TNKS: variants seen among roughly 807,000 people sequenced by gnomAD.
TNKS encodes the protein poly [ADP-ribose] polymerase tankyrase-1.
Under a neutral mutation model 135.8 loss-of-function variants are expected in TNKS, and 72 were observed. The observed-to-expected ratio is 0.53, with a 90% CI of 0.44 to 0.64. The LOEUF (loss-of-function observed/expected upper bound fraction) is 0.64, where lower values mean the gene tolerates loss of function less well. Among genes scored for constraint, TNKS ranks in the 30% least tolerant of loss-of-function variants. The probability of loss-of-function intolerance (pLI) is 0.00; values close to 1 mark genes in which losing one functional copy is unlikely to be tolerated. For missense variants in TNKS, 1,769 were observed against 1,674.0 expected (o/e 1.06, Z -0.99); for synonymous variants, 849 against 649.3 (o/e 1.31, Z -4.68).
intron 1 of TNKS, among the ~76,000 whole-genome samples, chr8:9,568,927 C>G (rs751564478): frequency 7.2e-5 from 11 of 152,142 alleles, no homozygotes; most frequent in Non-Finnish European, 1.6e-4. Flanking sequence ...TTGTTAGAAT[C>G]CAGAAACGGG....
rs1300913152 is a variant in TNKS at position 9,556,131 on chromosome 8, G to T, written c.192G>T (p.Ala64=). 1 of 1,605,642 alleles carries T rather than the reference G, an allele frequency of 6.2e-7. No individual in the cohort carries two copies. The highest frequency in any genetic ancestry group is 1.3e-5 in the African/African-American group (1 of 74,866). ...APFASPRHGL[A]LPEGDGSRDP... is the part of the protein sequence containing the mutation. ...TCGCCTCCCCGCGGCACGGCCTAGC[G>T]CTGCCGGAGGGGGATGGCAGTCGGG... Residue 64 remains alanine (A), a synonymous_variant, in exon 1 of 27, where the codon GCG becomes GCT. Transcript: ENST00000310430.
chr8:9,719,758 C>T (rs185272813), intron 11 of TNKS, among the ~76,000 whole-genome samples: 1 of 152,280 alleles, frequency 6.6e-6, no homozygotes, highest in East Asian at 1.9e-4. Flanking sequence ...GCCAGTGTTT[C>T]ACATTGTCTT....
intron 5 of TNKS, among the ~76,000 whole-genome samples, chr8:9,701,239 C>A (rs758807680): frequency 4.1e-4 from 63 of 152,232 alleles, no homozygotes; most frequent in Non-Finnish European, 6.2e-4. Context: ...GCCCGACCTG[C>A]CCTTTTAAAT....
chr8:9,681,772 G>A (rs1405069896), intron 5 of TNKS, among the ~76,000 whole-genome samples: 3 of 151,974 alleles, frequency 2.0e-5, no homozygotes, highest in African/African-American at 7.2e-5. Context: ...TGATAATTTT[G>A]CAGATCAGAT....
At chr8:9,597,035 T>A (rs1188214340) in intron 2 of TNKS, among the ~76,000 whole-genome samples, 1 of 152,250 alleles carries the variant, frequency 6.6e-6, no homozygotes, top group Non-Finnish European at 1.5e-5. Flanking sequence ...AATTTACTTC[T>A]GGGGAAGAAA....
chr8:9,574,816 A>G (rs750545301), intron 1 of TNKS, among the ~76,000 whole-genome samples: 6 of 152,158 alleles, frequency 3.9e-5, no homozygotes, highest in Non-Finnish European at 7.3e-5. Context: ...GTATGAAAGT[A>G]TCTGGAGATG....
Position 9,610,862 on chromosome 8 carries a change from T to A in TNKS, c.899-4720T>A, listed in dbSNP as rs78398622. Reference sequence around the variant, plus strand: ...AACACAATTTATTATAATAGCACTTTGTAATTTTCTAGGAATTTAACAGAA... The same window carrying A: ...AACACAATTTATTATAATAGCACTTAGTAATTTTCTAGGAATTTAACAGAA... On this transcript the variant is annotated intron_variant, in intron 2 of 26. Transcript: ENST00000310430. Among the ~76,000 whole-genome samples the A allele has an allele frequency of 8.2e-3, 1,249 of 152,356 alleles. 16 individuals carry two copies. The highest frequency in any genetic ancestry group is 0.028 in the African/African-American group (1,180 of 41,588).
intron 1 of TNKS, among the ~76,000 whole-genome samples, chr8:9,560,491 G>GTTTTTTTTTT (rs1314195456): frequency 2.5e-5 from 1 of 40,094 alleles, no homozygotes; most frequent in African/African-American, 1.3e-4. Context: ...GGCCATACTT[G>GTTTTTTTTTT]TCTTTTTTTT....
chr8:9,711,748 C>CT lies in TNKS; in HGVS notation c.1749+1534dup, dbSNP rs566944182. Among the ~76,000 whole-genome samples the CT allele has an allele frequency of 1.9e-3, 282 of 152,132 alleles. 1 individual carries two copies. Among genetic ancestry groups the CT allele is most frequent in the African/African-American group, 6.7e-3 (280 of 41,500 alleles). ...CTTTAGGTAAATGATAAAATAACTG[C>CT]TTTTTTAAAAGAAACTTTAAAAAAT... On this transcript the variant is annotated intron_variant, in intron 11 of 26. Coordinates refer to ENST00000310430, the MANE Select transcript of TNKS (RefSeq NM_003747.3).
intron 17 of TNKS, among the ~76,000 whole-genome samples, chr8:9,745,687 G>A (rs183475905): frequency 2.6e-5 from 4 of 152,268 alleles, no homozygotes; most frequent in Admixed American, 2.6e-4. Context: ...TTACAGGCCT[G>A]AACCACCACA....
rs576476273 is a variant in TNKS, at chr8:9,722,987, G to A, written c.1921+2442G>A. ...GAATACAAATGAAATATTTTTCTTC[G>A]ATTATTTTGATAAATCTCCTTTAAA... On this transcript the variant is annotated intron_variant, in intron 12 of 26. Coordinates refer to ENST00000310430, the MANE Select transcript of TNKS (RefSeq NM_003747.3). 4.3e-4 allele frequency among the ~76,000 whole-genome samples: 66 copies of A among 151,874 alleles called. 1 individual carries two copies. The highest frequency in any genetic ancestry group is 1.5e-3 in the African/African-American group (61 of 41,478).
chr8:9,761,493 G>A (rs767165958), intron 20 of TNKS, 23 bp from the exon 21 acceptor site: 1 of 1,611,750 alleles, frequency 6.2e-7, no homozygotes, highest in South Asian at 1.1e-5. Flanking sequence ...AGATATCCTA[G>A]CTAATTTTGT....
Position 9,620,052 on chromosome 8 carries a change from C to T in TNKS, c.994+4375C>T, listed in dbSNP as rs550226243. 1.9e-4 allele frequency among the ~76,000 whole-genome samples: 29 copies of T among 151,910 alleles called. 1 individual carries two copies. In the South Asian group the frequency reaches 5.4e-3, roughly 28 times the overall value. On this transcript the variant is annotated intron_variant, in intron 3 of 26. Transcript: ENST00000310430. ...GCAACCTCCGCCTCCCGGGTTTAAG[C>T]GATTCTCCTGCCTCAGCCTGCCAAG... is the stretch of plus-strand genomic sequence containing the variant.
At position 9,591,655 on chromosome 8, in the gene TNKS, A is replaced by G. The variant is rs375734337; in HGVS notation, c.898+11272A>G. Among the ~76,000 whole-genome samples, 24 of 152,212 alleles carry G rather than the reference A, an allele frequency of 1.6e-4. No individual in the cohort carries two copies. In the South Asian group the frequency reaches 1.7e-3, roughly 11 times the overall value. ...TGAGAATTCTTTTTGTGCTGTAACA[A>G]TGGGTCTTAGTTGGATGTGTGTATT... On this transcript the variant is annotated intron_variant, in intron 2 of 26. Transcript: ENST00000310430.
intron 2 of TNKS, among the ~76,000 whole-genome samples, chr8:9,608,422 T>A (rs1799317795): frequency 6.6e-6 from 1 of 152,134 alleles, no homozygotes; most frequent in Non-Finnish European, 1.5e-5. Context: ...GTCAGGTGTG[T>A]TAACAAGGCG....
rs1358286027 is a variant in TNKS at position 9,708,493 on chromosome 8, G to A, written c.1578+1G>A. 6.3e-7 allele frequency: 1 copy of A among 1,588,530 alleles called. No individual in the cohort carries two copies. Among genetic ancestry groups the A allele is most frequent in the Non-Finnish European group, 8.6e-7 (1 of 1,168,566 alleles). On this transcript the variant is annotated splice_donor_variant, in intron 9 of 26. Coordinates refer to ENST00000310430, the MANE Select transcript of TNKS (RefSeq NM_003747.3). LOFTEE classifies it high-confidence loss of function. ...ACCGCAGTCTCATGAAACAGCACTG[G>A]TAAGATTTTATTGTTAATCTATTCC...
chr8:9,765,461 T>TAAATCACCTC (rs1807380243), intron 23 of TNKS, among the ~76,000 whole-genome samples: 4 of 151,948 alleles, frequency 2.6e-5, no homozygotes, highest in African/African-American at 9.7e-5. Flanking sequence ...CTGAGGTGAT[T>TAAATCACCTC]TAGAGGTAAC....
intron 1 of TNKS, among the ~76,000 whole-genome samples, chr8:9,563,916 AG>A (rs1797428815): frequency 6.6e-6 from 1 of 152,212 alleles, no homozygotes; most frequent in African/African-American, 2.4e-5. Context: ...AATAATTTCA[AG>A]GATAAAAATA....
rs1433539596 is a variant in TNKS, at chr8:9,599,571, G to C, written c.899-16011G>C. 5.9e-5 allele frequency among the ~76,000 whole-genome samples: 9 copies of C among 152,272 alleles called. No homozygotes were observed. In the South Asian group the frequency reaches 6.2e-4, roughly 11 times the overall value. ...TATTGAGTTTCCAGGTAGAAAGAGA[G>C]ATACTTTGTTACACTCAATCTTACA... On this transcript the variant is annotated intron_variant, in intron 2 of 26. Coordinates refer to ENST00000310430, the MANE Select transcript of TNKS (RefSeq NM_003747.3).
Sources: allele counts gnomAD v4.1 joint callset (sites outside exome capture counted in the v4.1 genomes callset), GRCh38; gene constraint gnomAD v4.1.1; transcripts MANE v1.5; gene names NCBI Gene and HGNC (gene_info 2026-07-23, HGNC 2026-07-21).